The following ASCC3 variants were observed in gnomAD, a reference collection of about 807,000 sequenced individuals.
ASCC3 encodes the protein activating signal cointegrator 1 complex subunit 3.
In ASCC3, 158 loss-of-function variants were observed where a neutral mutation model predicts 256.3. That is an observed-to-expected ratio of 0.62 (90% CI 0.54 to 0.70). The LOEUF is 0.70. Ranked by LOEUF, ASCC3 falls within the 30% of genes least tolerant of loss-of-function variation. ASCC3 has a pLI of 0.00. For synonymous variants in ASCC3, 948 were observed against 883.4 expected (o/e 1.07, Z -1.30); for missense variants, 2,259 against 2,626.0 (o/e 0.86, Z 3.05).
intron 4 of ASCC3, among the ~76,000 whole-genome samples, chr6:100,832,650 A>C (rs748860028): frequency 7.9e-5 from 12 of 152,164 alleles, no homozygotes; most frequent in Non-Finnish European, 1.6e-4. Context: ...AGAAGCATTC[A>C]TAGCTACCCA....
intron 20 of ASCC3, among the ~76,000 whole-genome samples, chr6:100,648,597 T>C (rs1775503393): frequency 6.6e-6 from 1 of 151,994 alleles, no homozygotes; most frequent in South Asian, 2.1e-4. Flanking sequence ...GATAGAAGTA[T>C]GAGGACAGTT....
chr6:100,870,781 T>A lies in ASCC3; in HGVS notation c.-41-2743A>T, dbSNP rs180978955. ...AAATAAGATGATTCAGGGAATCACA[T>A]CTGGATTTTTCTAACACTAGATAAC... On this transcript the variant is annotated intron_variant, in intron 1 of 41. Transcript: ENST00000369162. Among the ~76,000 whole-genome samples, 32 of 152,288 alleles carry A rather than the reference T, an allele frequency of 2.1e-4. No homozygotes were observed. In the East Asian group the frequency reaches 5.6e-3, roughly 27 times the overall value.
intron 4 of ASCC3, among the ~76,000 whole-genome samples, chr6:100,811,049 C>A (rs527522424): frequency 4.6e-4 from 70 of 152,064 alleles, no homozygotes; most frequent in Non-Finnish European, 7.8e-4. Flanking sequence ...TCCATGTTTA[C>A]CCCCCGCCCA....
At chr6:100,579,054 T>C (rs1005389522) in intron 36 of ASCC3, among the ~76,000 whole-genome samples, 1 of 152,098 alleles carries the variant, frequency 6.6e-6, no homozygotes, top group Non-Finnish European at 1.5e-5. Context: ...CACTGTGGTT[T>C]TGGTTTGCAT....
At position 100,627,961 on chromosome 6, in the gene ASCC3, C is replaced by T; in HGVS notation, c.4402G>A (p.Val1468Ile). The T allele has an allele frequency of 6.2e-7, 1 of 1,613,386 alleles. No homozygotes were observed. Among genetic ancestry groups the T allele is most frequent in the South Asian group, 1.1e-5 (1 of 91,064 alleles). The change falls in exon 28 of 42, where the codon GTC (valine) becomes ATC (isoleucine). Residue 1468 changes from valine (V) to isoleucine (I), a missense_variant. Physicochemically the swap from Val to Ile is conservative, Grantham distance 29. Around this residue, in one of 2 missense-constraint regions of ASCC3, gnomAD observed 1,839 missense variants for 2,206.7 expected, o/e 0.83. Coordinates refer to ENST00000369162, the MANE Select transcript of ASCC3 (RefSeq NM_006828.4). ...LGEERGPVLEVIVSRTNFISS... is the reference protein window; with the variant it reads ...LGEERGPVLEIIVSRTNFISS... ...ATAAAATTTGTTCGAGATACAATGA[C>T]CTCTAGAACAGGGCCTCTTTCCTCC... is the stretch of plus-strand genomic sequence containing the variant.
chr6:100,671,890 T>C (rs2114950657), intron 14 of ASCC3, among the ~76,000 whole-genome samples: 1 of 152,184 alleles, frequency 6.6e-6, no homozygotes, highest in Non-Finnish European at 1.5e-5. Context: ...CTGAGGGTAT[T>C]ACATCTGGTC....
chr6:100,837,704 C>A (rs1673724618), intron 4 of ASCC3, among the ~76,000 whole-genome samples: 1 of 151,646 alleles, frequency 6.6e-6, no homozygotes, highest in African/African-American at 2.4e-5. Flanking sequence ...GGAGAGAGTA[C>A]AATAGTGATT....
At chr6:100,774,945 G>A (rs1273659960) in intron 8 of ASCC3, among the ~76,000 whole-genome samples, 1 of 152,158 alleles carries the variant, frequency 6.6e-6, no homozygotes, top group Non-Finnish European at 1.5e-5. Flanking sequence ...ACAAGAAACA[G>A]GATATTAGAA....
chr6:100,513,517 T>C (rs1773881173), intron 39 of ASCC3, among the ~76,000 whole-genome samples: 1 of 152,184 alleles, frequency 6.6e-6, no homozygotes. Context: ...AATCCTCCAC[T>C]GACCACTTAT....
At chr6:100,657,357 G>C (rs948522697) in intron 16 of ASCC3, among the ~76,000 whole-genome samples, 10 of 151,392 alleles carry the variant, frequency 6.6e-5, no homozygotes, top group African/African-American at 2.4e-4. Flanking sequence ...TGGGAGCTGT[G>C]TAACAATTCA....
At chr6:100,729,987 T>C (rs1435473251) in intron 10 of ASCC3, among the ~76,000 whole-genome samples, 2 of 152,114 alleles carry the variant, frequency 1.3e-5, no homozygotes, top group African/African-American at 2.4e-5. Flanking sequence ...CTATACCATA[T>C]TTTATTGTCA....
intron 30 of ASCC3, among the ~76,000 whole-genome samples, chr6:100,618,441 T>C (rs1773774615): frequency 1.3e-5 from 2 of 152,174 alleles, no homozygotes; most frequent in Non-Finnish European, 2.9e-5. Context: ...GTTAAGAGCA[T>C]TGTGCAATAT....
At position 100,651,595 on chromosome 6, in the gene ASCC3, T is replaced by C. The variant is rs749980230; in HGVS notation, c.3040A>G (p.Ile1014Val). 4 of 1,586,686 alleles carry C rather than the reference T, an allele frequency of 2.5e-6. No homozygotes were observed. Among genetic ancestry groups the C allele is most frequent in the South Asian group, 1.2e-5 (1 of 85,662 alleles). ...TCAAATTCTTCAGCTTTGGAGACTA[T>C]GGCAAAGATATCACCTTCTGTTTTG... ...AHKTEGDIFA[I>V]VSKAEEFDQI... Residue 1014 changes from isoleucine to valine, a missense_variant, in exon 19 of 42, where the codon ATA (isoleucine) becomes GTA (valine). By Grantham distance (29) the Ile-to-Val change is conservative. Around this residue, in one of 2 missense-constraint regions of ASCC3, gnomAD observed 1,839 missense variants for 2,206.7 expected, o/e 0.83. Transcript: ENST00000369162.
At chr6:100,616,047 A>G (rs1002261089) in intron 30 of ASCC3, among the ~76,000 whole-genome samples, 31 of 152,300 alleles carry the variant, frequency 2.0e-4, no homozygotes, top group Admixed American at 9.2e-4. Context: ...TTTCTGATTT[A>G]AAACAATTTC....
At chr6:100,804,453 T>C (rs560090301) in intron 5 of ASCC3, among the ~76,000 whole-genome samples, 15 of 152,194 alleles carry the variant, frequency 9.9e-5, no homozygotes, top group Non-Finnish European at 1.8e-4. Context: ...CTCTTCAGTT[T>C]AATTAGGTCC....
chr6:100,830,826 TC>T (rs1371730032), intron 4 of ASCC3, among the ~76,000 whole-genome samples: 1 of 152,178 alleles, frequency 6.6e-6, no homozygotes, highest in African/African-American at 2.4e-5. Context: ...GAACCTATAC[TC>T]ATATAAAACT....
intron 22 of ASCC3, among the ~76,000 whole-genome samples, 178 bp from the exon 23 acceptor site, chr6:100,644,307 A>G (rs984698696): frequency 1.3e-5 from 2 of 152,192 alleles, no homozygotes; most frequent in Admixed American, 6.5e-5. Context: ...TTGTACAACC[A>G]TCACCATAAT....
rs1274949458 is a variant in ASCC3, at chr6:100,510,031, TCTC to T, written c.6359_6361del (p.Gly2120del). 1.9e-6 allele frequency: 3 copies of T among 1,613,950 alleles called. No individual in the cohort carries two copies. The highest frequency in any genetic ancestry group is 3.3e-5 in the Admixed American group (2 of 59,998). On this transcript the variant is annotated inframe_deletion, in exon 41 of 42. Coordinates refer to ENST00000369162, the MANE Select transcript of ASCC3 (RefSeq NM_006828.4). ...AGCAATAAGTTCTCTCTTATCCACTTCTCCTAATATCAAAAACCATCCTTCGTC... is the reference window on the plus strand; with the variant it reads ...AGCAATAAGTTCTCTCTTATCCACTTCTAATATCAAAAACCATCCTTCGTC...
chr6:100,570,239 TGAC>T (rs1770518483), intron 36 of ASCC3, among the ~76,000 whole-genome samples: 2 of 152,212 alleles, frequency 1.3e-5, no homozygotes, highest in Admixed American at 1.3e-4. Context: ...AGAGATAGTT[TGAC>T]TTCTTCTTTT....
Sources: gnomAD v4.1 joint callset for allele counts (sites outside exome capture counted in the v4.1 genomes callset) on GRCh38, gnomAD v4.1.1 for gene constraint, gnomAD v4.1.1 regional missense constraint, MANE v1.5 for transcripts, NCBI Gene and HGNC (gene_info 2026-07-23, HGNC 2026-07-21) for gene names.